The following RNF220 variants were observed in gnomAD, a reference collection of about 807,000 sequenced individuals.
RNF220 encodes E3 ubiquitin-protein ligase RNF220.
RNF220 carries 7 observed loss-of-function variants against 67.1 expected under a neutral mutation model. The observed-to-expected ratio is 0.10, with a 90% CI of 0.06 to 0.20. The LOEUF (loss-of-function observed/expected upper bound fraction) is 0.20, where lower values mean the gene tolerates loss of function less well. Among genes scored for constraint, RNF220 ranks in the 10% least tolerant of loss-of-function variants. RNF220 has a pLI of 1.00. For synonymous variants in RNF220, 270 were observed against 283.2 expected (o/e 0.95, Z 0.47); for missense variants, 565 against 740.3 (o/e 0.76, Z 2.75).
intron 2 of RNF220, among the ~76,000 whole-genome samples, chr1:44,523,837 C>T (rs1232883194): frequency 6.6e-6 from 1 of 152,328 alleles, no homozygotes; most frequent in South Asian, 2.1e-4. Flanking sequence ...CCTCGTCCAT[C>T]CCGAGCCTGA....
At chr1:44,515,732 A>G (rs191033469) in intron 2 of RNF220, among the ~76,000 whole-genome samples, 64 of 152,330 alleles carry the variant, frequency 4.2e-4, no homozygotes, top group African/African-American at 1.4e-3. Context: ...TGGCAATCTC[A>G]GAGTTCTCCG....
chr1:44,473,975 A>G (rs1347095830), intron 2 of RNF220, among the ~76,000 whole-genome samples: 1 of 152,152 alleles, frequency 6.6e-6, no homozygotes, highest in Non-Finnish European at 1.5e-5. Flanking sequence ...TATTATTGCA[A>G]TTACCTAATT....
intron 2 of RNF220, among the ~76,000 whole-genome samples, chr1:44,495,032 G>A (rs774191703): frequency 1.3e-5 from 2 of 152,034 alleles, no homozygotes; most frequent in South Asian, 2.1e-4. Context: ...GGGCAACATC[G>A]CAAGACCTCA....
intron 2 of RNF220, among the ~76,000 whole-genome samples, chr1:44,586,490 G>A (rs1016412054): frequency 6.6e-6 from 1 of 152,124 alleles, no homozygotes; most frequent in Non-Finnish European, 1.5e-5. Context: ...TGAGGAGGGG[G>A]TCACAGCTCC....
At chr1:44,440,204 A>C (rs1316270868) in intron 2 of RNF220, among the ~76,000 whole-genome samples, 1 of 152,268 alleles carries the variant, frequency 6.6e-6, no homozygotes, top group Admixed American at 6.5e-5. Flanking sequence ...GCTACAGCTC[A>C]AAGGCTGACT....
At chr1:44,508,168 C>T (rs931532728) in intron 2 of RNF220, among the ~76,000 whole-genome samples, 2 of 110,790 alleles carry the variant, frequency 1.8e-5, no homozygotes, top group African/African-American at 7.1e-5. Flanking sequence ...CTTTCTTTCC[C>T]GAGGCAGGGT....
chr1:44,538,382 A>G (rs1239987744), intron 2 of RNF220, among the ~76,000 whole-genome samples: 1 of 150,922 alleles, frequency 6.6e-6, no homozygotes, highest in Admixed American at 6.6e-5. Context: ...CCCTTAAGCT[A>G]CTCTTGTTTT....
At chr1:44,632,504 G>A (rs1419189683) in intron 6 of RNF220, 119 bp downstream of exon 6, 17 of 980,882 alleles carry the variant, frequency 1.7e-5, no homozygotes, top group Non-Finnish European at 2.5e-5. Context: ...TGGCTTCTTC[G>A]CAGTCACGGC....
At chr1:44,584,636 A>G (rs1013930985) in intron 2 of RNF220, among the ~76,000 whole-genome samples, 2 of 152,114 alleles carry the variant, frequency 1.3e-5, no homozygotes, top group East Asian at 3.9e-4. Flanking sequence ...TAGCCCAAGA[A>G]TTGCTCCCCA....
chr1:44,528,660 G>A (rs1273589967), intron 2 of RNF220, among the ~76,000 whole-genome samples: 1 of 143,300 alleles, frequency 7.0e-6, no homozygotes, highest in East Asian at 2.0e-4. Context: ...TATTGCCCAA[G>A]CTGGAGTGCA....
At chr1:44,458,320 T>G (rs1307383406) in intron 2 of RNF220, among the ~76,000 whole-genome samples, 9 of 146,728 alleles carry the variant, frequency 6.1e-5, no homozygotes, top group South Asian at 2.2e-4. Flanking sequence ...CAGACTCCAT[T>G]GTTAGGATTT....
chr1:44,415,729 G>A lies in RNF220; in HGVS notation c.625+3007G>A, dbSNP rs1030544631. Among the ~76,000 whole-genome samples the A allele has an allele frequency of 5.9e-5, 9 of 152,284 alleles. No individual in the cohort carries two copies. The South Asian group carries it at 1.5e-3, about 25-fold the overall frequency. ...GGGGGTGGGAGATGAGAATGGTGGT[G>A]TGTGTCCTTTACTTAGAGCAGAAGT... On this transcript the variant is annotated intron_variant, in intron 2 of 14. Transcript: ENST00000361799.
rs1359964277 is a variant in RNF220, at chr1:44,604,171, A to G, written c.626-9994A>G. Among the ~76,000 whole-genome samples the G allele has an allele frequency of 2.6e-5, 4 of 152,356 alleles. No individual in the cohort carries two copies. In the East Asian group the frequency reaches 7.7e-4, roughly 29 times the overall value. ...CAGGTGTTTGTCTAAATGCAAAAAAATACCCACACCGTGTGAGCACTTGTG... is the reference window on the plus strand; with the variant it reads ...CAGGTGTTTGTCTAAATGCAAAAAAGTACCCACACCGTGTGAGCACTTGTG... On this transcript the variant is annotated intron_variant, in intron 2 of 14. Coordinates refer to ENST00000361799, the MANE Select transcript of RNF220 (RefSeq NM_018150.4).
chr1:44,496,678 T>G (rs1363520953), intron 2 of RNF220, among the ~76,000 whole-genome samples: 2 of 152,170 alleles, frequency 1.3e-5, no homozygotes, highest in Admixed American at 6.5e-5. Flanking sequence ...TAGTCCAGGG[T>G]GGTGCTGCTG....
chr1:44,545,792 T>C (rs1160131115), intron 2 of RNF220, among the ~76,000 whole-genome samples: 2 of 151,556 alleles, frequency 1.3e-5, no homozygotes, highest in Non-Finnish European at 2.9e-5. Flanking sequence ...GTCTCACTCT[T>C]GTTGCCCAGG....
chr1:44,445,396 C>T (rs1469272461), intron 2 of RNF220, among the ~76,000 whole-genome samples: 1 of 152,168 alleles, frequency 6.6e-6, no homozygotes, highest in Non-Finnish European at 1.5e-5. Context: ...GTCCCTAAAA[C>T]CCTTCAATGA....
At chr1:44,522,035 A>G (rs1181837837) in intron 2 of RNF220, among the ~76,000 whole-genome samples, 1 of 152,218 alleles carries the variant, frequency 6.6e-6, no homozygotes, top group Admixed American at 6.5e-5. Flanking sequence ...ACAACAAAGC[A>G]AGATGGCCGC....
chr1:44,562,369 G>C (rs17386574), intron 2 of RNF220, among the ~76,000 whole-genome samples: 39,847 of 152,100 alleles, frequency 0.26, 6,032 homozygotes, highest in Non-Finnish European at 0.36. Context: ...CATGTGTCAG[G>C]GCCCGCTTGT....
chr1:44,497,962 T>C (rs1657495135), intron 2 of RNF220, among the ~76,000 whole-genome samples: 1 of 152,232 alleles, frequency 6.6e-6, no homozygotes, highest in Non-Finnish European at 1.5e-5. Flanking sequence ...AAGCTGCTTG[T>C]GCTTCCACGT....
Sources: allele counts gnomAD v4.1 joint callset (sites outside exome capture counted in the v4.1 genomes callset), GRCh38; gene constraint gnomAD v4.1.1; transcripts MANE v1.5; gene names NCBI Gene and HGNC (gene_info 2026-07-23, HGNC 2026-07-21).